TRAPPC2L: variants seen among roughly 807,000 people sequenced by gnomAD.
TRAPPC2L encodes the protein trafficking protein particle complex subunit 2L.
Under a neutral mutation model 13.2 loss-of-function variants are expected in TRAPPC2L, and 17 were observed. That is an observed-to-expected ratio of 1.29 (90% CI 0.88 to 1.93). The LOEUF (loss-of-function observed/expected upper bound fraction) is 1.93, where lower values mean the gene tolerates loss of function less well. TRAPPC2L is among the 30% of genes most tolerant of loss of function. TRAPPC2L has a pLI of 0.00. For synonymous variants in TRAPPC2L, 150 were observed against 98.1 expected (o/e 1.53, Z -3.12); for missense variants, 359 against 252.1 (o/e 1.42, Z -2.87).
At chr16:88,856,344 C>G, upstream of TRAPPC2L, 2 of 702,510 alleles carry the variant, frequency 2.8e-6, no homozygotes, top group Non-Finnish European at 5.2e-6. Flanking sequence ...GGAGCAGCCT[C>G]TTCCTCCCTT....
exon 4 of TRAPPC2L, chr16:88,860,050 A>C (rs1256285260): frequency 3.8e-6 from 5 of 1,318,398 alleles, no homozygotes; most frequent in African/African-American, 1.7e-5. Flanking sequence ...AAATGCAACC[A>C]TTTGGAAAAT....
At chr16:88,856,796 G>A (rs1260680833), upstream of TRAPPC2L, 9 of 1,541,626 alleles carry the variant, frequency 5.8e-6, no homozygotes, top group Non-Finnish European at 7.8e-6. Flanking sequence ...GGGGGCTGCG[G>A]GGCGCCCGAG....
At chr16:88,856,284 A>AGGTGGC (rs948800258), upstream of TRAPPC2L, 1 of 702,932 alleles carries the variant, frequency 1.4e-6, no homozygotes. Flanking sequence ...CGGCGGCCCG[A>AGGTGGC]GGTGGCGGGA....
chr16:88,860,110 A>C, exon 4 of TRAPPC2L: 1 of 840,420 alleles, frequency 1.2e-6, no homozygotes, highest in Non-Finnish European at 2.0e-6. Context: ...CCTAGGGCAG[A>C]GGTTTTAAAG....
exon 4 of TRAPPC2L, chr16:88,860,184 G>A (rs1192222507): frequency 2.8e-6 from 2 of 709,258 alleles, no homozygotes; most frequent in South Asian, 1.5e-5. Context: ...AGTGGATAGA[G>A]TGTGTGTGGT....
chr16:88,860,170 A>C, exon 4 of TRAPPC2L: 2 of 711,890 alleles, frequency 2.8e-6, no homozygotes, highest in Non-Finnish European at 5.1e-6. Flanking sequence ...TCTCCAGCGC[A>C]TAAAGTGGAT....
At chr16:88,857,308 C>T in intron 1 of TRAPPC2L, 125 bp downstream of exon 1, 2 of 923,154 alleles carry the variant, frequency 2.2e-6, no homozygotes, top group Non-Finnish European at 3.1e-6. Context: ...CTTCGCCGAG[C>T]TCCAGCGGTC....
exon 4 of TRAPPC2L, chr16:88,860,405 C>G: frequency 1.6e-6 from 1 of 609,670 alleles, no homozygotes; most frequent in Non-Finnish European, 2.9e-6. Flanking sequence ...ACAGATTTAA[C>G]TTTTGAACAT....
chr16:88,862,285 C>G (rs1035471309), exon 4 of TRAPPC2L: 1 of 152,464 alleles, frequency 6.6e-6, no homozygotes, highest in East Asian at 1.9e-4. Flanking sequence ...GTGCCTCTGC[C>G]CAGTTCCAAT....
At chr16:88,857,434 G>C (rs1968015003) in intron 1 of TRAPPC2L, 7 of 465,394 alleles carry the variant, frequency 1.5e-5, no homozygotes, top group Non-Finnish European at 2.7e-5. Context: ...TCCCCGCCAG[G>C]ACCCACCAGA....
upstream of TRAPPC2L, chr16:88,856,915 C>G (rs1400904848): frequency 2.5e-5 from 37 of 1,487,838 alleles, no homozygotes; most frequent in Non-Finnish European, 3.2e-5. Flanking sequence ...GCCAGCGAGC[C>G]GACCTAGCGA....
At chr16:88,856,771 A>C (rs755832705), upstream of TRAPPC2L, 4 of 1,535,598 alleles carry the variant, frequency 2.6e-6, no homozygotes, top group South Asian at 4.7e-5. Flanking sequence ...GTCCATGAGC[A>C]GGAGCAGGAT....
chr16:88,858,299 G>C (rs543011335), intron 1 of TRAPPC2L, among the ~76,000 whole-genome samples: 1 of 152,322 alleles, frequency 6.6e-6, no homozygotes, highest in Admixed American at 6.5e-5. Flanking sequence ...AGGCAGAGTG[G>C]CCTCCAGGAG....
At chr16:88,859,847 G>A (rs373239367) in intron 3 of TRAPPC2L, 46 bp from the exon 4 acceptor site, 3 of 1,584,542 alleles carry the variant, frequency 1.9e-6, no homozygotes, top group Non-Finnish European at 1.7e-6. Flanking sequence ...ATCTGGCAGT[G>A]GCTGTGTGTA....
chr16:88,858,627 C>A (rs922660258), exon 2 of TRAPPC2L: 2 of 1,612,690 alleles, frequency 1.2e-6, no homozygotes, highest in African/African-American at 1.3e-5. Flanking sequence ...AGAATTACCC[C>A]CTCTACATTC....
chr16:88,860,869 T>C (rs1597630219), exon 4 of TRAPPC2L: 1 of 1,560,884 alleles, frequency 6.4e-7, no homozygotes, highest in East Asian at 2.3e-5. Flanking sequence ...AGCAGAGGGG[T>C]GGAGGGCCTG....
intron 2 of TRAPPC2L, 200 bp downstream of exon 2, chr16:88,858,991 A>G (rs915749388): frequency 6.6e-6 from 4 of 603,818 alleles, no homozygotes; most frequent in East Asian, 5.7e-5. Context: ...GCAAGGCTAG[A>G]ATTCCCCGTA....
upstream of TRAPPC2L, chr16:88,856,397 G>A (rs1337591407): frequency 2.8e-6 from 2 of 701,814 alleles, no homozygotes; most frequent in East Asian, 2.7e-5. Context: ...AAGAGTAGAG[G>A]GCGGGAAAGG....
chr16:88,856,450 C>G (rs1479223538), upstream of TRAPPC2L: 3 of 700,624 alleles, frequency 4.3e-6, no homozygotes, highest in Non-Finnish European at 7.8e-6. Flanking sequence ...CGGCCACCCA[C>G]CTGCCAGGGA....
Sources: gnomAD v4.1 joint callset for allele counts (sites outside exome capture counted in the v4.1 genomes callset) on GRCh38, gnomAD v4.1.1 for gene constraint, MANE v1.5 for transcripts, NCBI Gene and HGNC (gene_info 2026-07-23, HGNC 2026-07-21) for gene names.